DOCK10: variants seen among roughly 807,000 people sequenced by gnomAD.
The protein encoded by DOCK10 is dedicator of cytokinesis 10.
A neutral mutation model predicts 280.1 loss-of-function variants in DOCK10; 145 were observed. The observed-to-expected ratio is 0.52, with a 90% CI of 0.45 to 0.59. The LOEUF is 0.59. Among genes scored for constraint, DOCK10 ranks in the 20% least tolerant of loss-of-function variants. The pLI, the probability that DOCK10 is intolerant of heterozygous loss-of-function variation, is 0.00. For synonymous variants in DOCK10, 915 were observed against 942.2 expected (o/e 0.97, Z 0.53); for missense variants, 2,368 against 2,651.7 (o/e 0.89, Z 2.35).
intron 2 of DOCK10, among the ~76,000 whole-genome samples, chr2:224,918,861 CGTGT>C (rs1223634565): frequency 4.2e-5 from 5 of 117,998 alleles, no homozygotes; most frequent in African/African-American, 1.4e-4. Context: ...GTGTGTGTGG[CGTGT>C]GTGAGTGTGT....
At chr2:225,038,768 G>A (rs760600006) in intron 1 of DOCK10, among the ~76,000 whole-genome samples, 9 of 152,088 alleles carry the variant, frequency 5.9e-5, no homozygotes, top group Admixed American at 1.3e-4. Flanking sequence ...ATAGATGAAC[G>A]GCTTTGGGCT....
chr2:224,935,339 A>G (rs1455656079), intron 1 of DOCK10, among the ~76,000 whole-genome samples: 2 of 152,250 alleles, frequency 1.3e-5, no homozygotes, highest in Admixed American at 1.3e-4. Flanking sequence ...AACACTAAAA[A>G]TTACATGGCT....
intron 11 of DOCK10, among the ~76,000 whole-genome samples, chr2:224,871,459 A>G (rs960703243): frequency 6.6e-6 from 1 of 152,154 alleles, no homozygotes; most frequent in African/African-American, 2.4e-5. Flanking sequence ...CGGTGGTAGT[A>G]GCCTCCTAAT....
In DOCK10 at chr2:224,834,161, G is replaced by A. The variant is rs2125414985; in HGVS notation, c.2953C>T (p.His985Tyr). 6.2e-7 allele frequency: 1 copy of A among 1,604,630 alleles called. No homozygotes were observed. Among genetic ancestry groups the A allele is most frequent in the African/African-American group, 1.3e-5 (1 of 74,860 alleles). The change falls in exon 26 of 56, where the codon CAT becomes TAT. Residue 985 changes from histidine to tyrosine, a missense_variant. Around this residue, in one of 2 missense-constraint regions of DOCK10, gnomAD observed 1,209 missense variants for 1,250.9 expected, o/e 0.97. Transcript: ENST00000258390. ...LKSNDSTTVK[H>Y]VLKHSWFFFA... Reference sequence around the variant, plus strand: ...CTTTAAATTCTTACCTTTAGGACATGCTTTACTGTTGTTGAGTCATTTGAT... The same window carrying A: ...CTTTAAATTCTTACCTTTAGGACATACTTTACTGTTGTTGAGTCATTTGAT...
intron 3 of DOCK10, among the ~76,000 whole-genome samples, chr2:224,907,538 A>T (rs1373790576): frequency 1.3e-5 from 2 of 152,118 alleles, no homozygotes; most frequent in Non-Finnish European, 2.9e-5. Flanking sequence ...ATACAAAAAA[A>T]TTAGCCGGGT....
chr2:224,765,585 T>C lies in DOCK10; in HGVS notation c.*136A>G, dbSNP rs1376161620. 1.5e-5 allele frequency: 9 copies of C among 598,234 alleles called. No homozygotes were observed. Among genetic ancestry groups the C allele is most frequent in the Admixed American group, 3.5e-5 (1 of 28,504 alleles). 37.1% of individuals were successfully genotyped at this position (598,234 alleles called of 1,614,324 possible). A position where few individuals can be genotyped will look rare whatever the true frequency, so the allele number is the denominator to read the frequency against. Reference sequence around the variant, plus strand: ...TGTGCAAATTCAGAGGTTGGCAAAATTCTGAAGCTAGCGAGGTAAACAAAA... The same window carrying C: ...TGTGCAAATTCAGAGGTTGGCAAAACTCTGAAGCTAGCGAGGTAAACAAAA... On this transcript the variant is annotated 3_prime_UTR_variant, in exon 56 of 56. Transcript: ENST00000258390.
intron 1 of DOCK10, among the ~76,000 whole-genome samples, chr2:224,938,333 T>C (rs1702814813): frequency 6.6e-6 from 1 of 152,182 alleles, no homozygotes; most frequent in Non-Finnish European, 1.5e-5. Flanking sequence ...AGTGGCTTCT[T>C]TAGTTTTCAA....
intron 44 of DOCK10, 50 bp from the exon 45 acceptor site, chr2:224,795,144 T>C: frequency 6.6e-7 from 1 of 1,523,048 alleles, no homozygotes; most frequent in Non-Finnish European, 9.1e-7. Context: ...ATCTATAGGT[T>C]AACTGACTTT....
intron 1 of DOCK10, among the ~76,000 whole-genome samples, chr2:224,936,203 A>C (rs113470567): frequency 6.6e-6 from 1 of 152,230 alleles, no homozygotes; most frequent in East Asian, 1.9e-4. Flanking sequence ...GGTGCAGTGC[A>C]TGCCATAAAT....
intron 33 of DOCK10, chr2:224,807,332 G>C (rs186752133): frequency 5.0e-6 from 1 of 201,402 alleles, no homozygotes; most frequent in East Asian, 1.2e-4. Flanking sequence ...CTGACACCAG[G>C]GGGGGATGTA....
At chr2:224,993,283 T>C (rs1041226171) in intron 1 of DOCK10, among the ~76,000 whole-genome samples, 3 of 151,122 alleles carry the variant, frequency 2.0e-5, no homozygotes, top group African/African-American at 7.3e-5. Context: ...TGATCTTCTG[T>C]TCTTTGTTTC....
At chr2:224,920,202 A>G (rs1476684199) in intron 2 of DOCK10, among the ~76,000 whole-genome samples, 1 of 151,022 alleles carries the variant, frequency 6.6e-6, no homozygotes, top group Non-Finnish European at 1.5e-5. Context: ...AGTTGAGACT[A>G]CAGGTGCGCA....
At chr2:224,916,540 C>CAAAA (rs35956360) in intron 3 of DOCK10, among the ~76,000 whole-genome samples, 155 bp downstream of exon 3, 2 of 110,934 alleles carry the variant, frequency 1.8e-5, no homozygotes, top group Non-Finnish European at 3.6e-5. Flanking sequence ...CACCCTCCCT[C>CAAAA]AAAAAAAAAA....
chr2:224,787,861 T>G (rs1391241034), intron 48 of DOCK10, among the ~76,000 whole-genome samples: 1 of 152,106 alleles, frequency 6.6e-6, no homozygotes, highest in Admixed American at 6.5e-5. Context: ...GGCACCAACC[T>G]CCCTCTCAGT....
chr2:224,841,816 G>A lies in DOCK10; in HGVS notation c.2649C>T (p.Ile883=), dbSNP rs775744012. The A allele has an allele frequency of 6.2e-7, 1 of 1,609,950 alleles. No individual in the cohort carries two copies. Among genetic ancestry groups the A allele is most frequent in the South Asian group, 1.1e-5 (1 of 90,970 alleles). Residue 883 remains isoleucine (I), a synonymous_variant, in exon 23 of 56, where the codon ATC becomes ATT. Transcript: ENST00000258390. ...CATGTCATGTTACCTTACAAGAGCG[G>A]ATGAAATTTGAGGTAGGTGACTGAG... ...DMSQSPTSNF[I]RSCKNLLNVE...
At chr2:224,983,509 A>G (rs934207085) in intron 1 of DOCK10, 1 of 72,184 alleles carries the variant, frequency 1.4e-5, no homozygotes, top group Non-Finnish European at 2.5e-5. Context: ...AGATTCAAAG[A>G]AAAAAAAATG....
intron 24 of DOCK10, among the ~76,000 whole-genome samples, chr2:224,839,636 T>A (rs977537735): frequency 2.0e-5 from 3 of 152,186 alleles, no homozygotes. Flanking sequence ...TACACCTGTA[T>A]GGAAGATGTT....
rs552075829 is a variant in DOCK10 at position 224,823,495 on chromosome 2, C to T, written c.3183+6G>A. 3.1e-6 allele frequency: 5 copies of T among 1,591,974 alleles called. No individual in the cohort carries two copies. On this transcript the variant is annotated splice_donor_region_variant and intron_variant, in intron 28 of 55. Coordinates refer to ENST00000258390, the MANE Select transcript of DOCK10 (RefSeq NM_014689.3). Reference sequence around the variant, plus strand: ...TGAATAGAACTGCGATCTCATATAACTGTACCTTGAGAAATCTGGCAACGC... The same window carrying T: ...TGAATAGAACTGCGATCTCATATAATTGTACCTTGAGAAATCTGGCAACGC...
intron 2 of DOCK10, among the ~76,000 whole-genome samples, chr2:224,927,792 A>G (rs1454952070): frequency 1.3e-5 from 2 of 152,148 alleles, no homozygotes; most frequent in Non-Finnish European, 1.5e-5. Context: ...ATAAATATTG[A>G]TTAAACAAAC....
Sources: allele counts gnomAD v4.1 joint callset (sites outside exome capture counted in the v4.1 genomes callset), GRCh38; gene constraint gnomAD v4.1.1; regional missense constraint gnomAD v4.1.1; transcripts MANE v1.5; gene names NCBI Gene and HGNC (gene_info 2026-07-23, HGNC 2026-07-21).